Variants in ITCH observed in about 807,000 individuals in gnomAD.
ITCH encodes the protein itchy E3 ubiquitin protein ligase, also known as E3 ubiquitin-protein ligase Itchy homolog.
ITCH carries 28 observed loss-of-function variants against 126.8 expected under a neutral mutation model. The observed-to-expected ratio is 0.22, with a 90% confidence interval of 0.16 to 0.30. The LOEUF (loss-of-function observed/expected upper bound fraction) is 0.30, where lower values mean the gene tolerates loss of function less well. ITCH is among the 10% of genes least tolerant of loss of function. The probability of loss-of-function intolerance (pLI) is 1.00; values close to 1 mark genes in which losing one functional copy is unlikely to be tolerated. For synonymous variants in ITCH, 342 were observed against 340.0 expected (o/e 1.01, Z -0.06); for missense variants, 631 against 1,032.4 (o/e 0.61, Z 5.33).
At chr20:34,371,580 G>A (rs1466650759) in intron 2 of ITCH, among the ~76,000 whole-genome samples, 3 of 151,968 alleles carry the variant, frequency 2.0e-5, no homozygotes, top group African/African-American at 4.8e-5. Context: ...CACTGAGCCC[G>A]GTCCTGTTCT....
Position 34,508,057 on chromosome 20 carries a change from A to T in ITCH, c.*263A>T. ...GAAATTTGCCTTGTCTTATTCCACT[A>T]GTTTATTCCTTTAACAACAATATTT... On this transcript the variant is annotated 3_prime_UTR_variant, in exon 25 of 25. Coordinates refer to ENST00000374864, the MANE Select transcript of ITCH (RefSeq NM_031483.7). 2.3e-6 allele frequency: 1 copy of T among 427,906 alleles called. No individual in the cohort carries two copies. Among genetic ancestry groups the T allele is most frequent in the Admixed American group, 3.5e-5 (1 of 28,346 alleles). The allele number at this position is 427,906 out of a possible 1,614,324, so 26.5% of individuals were successfully genotyped here. A position where few individuals can be genotyped will look rare whatever the true frequency, so the allele number is the denominator to read the frequency against.
At chr20:34,417,692 G>A (rs1269190991) in intron 6 of ITCH, among the ~76,000 whole-genome samples, 1 of 140,992 alleles carries the variant, frequency 7.1e-6, no homozygotes, top group Non-Finnish European at 1.5e-5. Context: ...GAGCCACTGC[G>A]CCTGGCCCAG....
chr20:34,488,673 A>C (rs757365935), intron 20 of ITCH, among the ~76,000 whole-genome samples: 1 of 152,140 alleles, frequency 6.6e-6, no homozygotes, highest in Non-Finnish European at 1.5e-5. Flanking sequence ...AGATTGTATC[A>C]TTGCACTCCA....
At chr20:34,367,285 C>G (rs915396860) in intron 1 of ITCH, among the ~76,000 whole-genome samples, 17 of 152,220 alleles carry the variant, frequency 1.1e-4, no homozygotes, top group African/African-American at 3.9e-4. Context: ...TCAAGCGATT[C>G]GTGTGCCTCA....
At chr20:34,466,510 A>G in intron 14 of ITCH, 1 of 468,888 alleles carries the variant, frequency 2.1e-6, no homozygotes, top group Non-Finnish European at 4.1e-6. Context: ...TAATGAAATT[A>G]CAGAGGTAAT....
rs141718576 is a variant in ITCH at position 34,498,018 on chromosome 20, A to G, written c.2416+5421A>G. On this transcript the variant is annotated intron_variant, in intron 23 of 24. Coordinates refer to ENST00000374864, the MANE Select transcript of ITCH (RefSeq NM_031483.7). ...TGTGTTTTCTTCAGTTTCTTTTGTC[A>G]GTGTTTTATAGTTTTTGCTGTAGAG... 1.5e-3 allele frequency among the ~76,000 whole-genome samples: 230 copies of G among 152,286 alleles called. 1 individual carries two copies. Among genetic ancestry groups the G allele is most frequent in the Non-Finnish European group, 2.8e-3 (191 of 68,024 alleles).
At chr20:34,438,435 T>C in intron 7 of ITCH, 39 bp from the exon 8 acceptor site, 1 of 1,607,442 alleles carries the variant, frequency 6.2e-7, no homozygotes, top group Non-Finnish European at 8.5e-7. Context: ...GTATTCATTA[T>C]TTCCCTCTCC....
chr20:34,401,930 T>C (rs1216029746), intron 3 of ITCH, among the ~76,000 whole-genome samples: 12 of 152,102 alleles, frequency 7.9e-5, no homozygotes, highest in Non-Finnish European at 1.5e-4. Flanking sequence ...TTTCTGACAA[T>C]ATACAATTAC....
intron 3 of ITCH, chr20:34,402,582 C>A: frequency 1.5e-6 from 1 of 689,522 alleles, no homozygotes; most frequent in South Asian, 1.5e-5. Flanking sequence ...CTCTACCAGT[C>A]ATAATTGTTA....
At chr20:34,446,005 T>C (rs1403389670) in intron 11 of ITCH, among the ~76,000 whole-genome samples, 1 of 152,176 alleles carries the variant, frequency 6.6e-6, no homozygotes, top group Non-Finnish European at 1.5e-5. Flanking sequence ...TCATTTCCCT[T>C]CTAGAAACAA....
chr20:34,402,147 C>T (rs1446829867), intron 3 of ITCH: 4 of 1,093,812 alleles, frequency 3.7e-6, no homozygotes, highest in Non-Finnish European at 5.6e-6. Context: ...GAGAGATGTT[C>T]CTAGCAGCAC....
intron 6 of ITCH, among the ~76,000 whole-genome samples, chr20:34,423,658 C>T (rs1015294178): frequency 2.0e-5 from 3 of 152,096 alleles, no homozygotes; most frequent in African/African-American, 7.2e-5. Flanking sequence ...GACTGGAGTG[C>T]AATGGCGCGA....
chr20:34,457,354 A>AT, intron 12 of ITCH, 36 bp from the exon 13 acceptor site: 1 of 1,384,720 alleles, frequency 7.2e-7, no homozygotes, highest in Non-Finnish European at 1.0e-6. Flanking sequence ...GCCAATGCTA[A>AT]TGCTTTGCTT....
At chr20:34,420,995 CCA>C (rs1301983434) in intron 6 of ITCH, among the ~76,000 whole-genome samples, 9 of 152,216 alleles carry the variant, frequency 5.9e-5, no homozygotes, top group Non-Finnish European at 1.0e-4. Flanking sequence ...TGGTTCAGCA[CCA>C]CAGGTTTGCT....
At chr20:34,448,309 C>G (rs1359939809) in intron 11 of ITCH, among the ~76,000 whole-genome samples, 1 of 151,996 alleles carries the variant, frequency 6.6e-6, no homozygotes, top group African/African-American at 2.4e-5. Context: ...AGGAGAATCA[C>G]TTGAACCTGG....
At chr20:34,374,794 C>T in intron 2 of ITCH, among the ~76,000 whole-genome samples, 1 of 150,618 alleles carries the variant, frequency 6.6e-6, no homozygotes, top group Non-Finnish European at 1.5e-5. Context: ...AGTGCAGTGG[C>T]ATGATCTTGG....
chr20:34,438,802 GT>G (rs1983370565), intron 8 of ITCH, among the ~76,000 whole-genome samples, 171 bp downstream of exon 8: 1 of 152,126 alleles, frequency 6.6e-6, no homozygotes, highest in African/African-American at 2.4e-5. Context: ...TTTTTCCTAA[GT>G]TTTTGTTCAA....
chr20:34,365,865 A>G (rs2037403134), intron 1 of ITCH, among the ~76,000 whole-genome samples: 1 of 152,192 alleles, frequency 6.6e-6, no homozygotes, highest in African/African-American at 2.4e-5. Context: ...CAACCAATTT[A>G]TTTTTAACAC....
chr20:34,388,815 C>T (rs144702603), intron 2 of ITCH, among the ~76,000 whole-genome samples: 82 of 152,248 alleles, frequency 5.4e-4, no homozygotes, highest in African/African-American at 1.8e-3. Flanking sequence ...TGTGAAGTTA[C>T]AAAGAATGTT....
Sources: gnomAD v4.1 joint callset for allele counts (sites outside exome capture counted in the v4.1 genomes callset) on GRCh38, gnomAD v4.1.1 for gene constraint, MANE v1.5 for transcripts, NCBI Gene and HGNC (gene_info 2026-07-23, HGNC 2026-07-21) for gene names.